The following SMYD3 variants were observed in gnomAD, a reference collection of about 807,000 sequenced individuals.
SMYD3 encodes SET and MYND domain containing 3.
Under a neutral mutation model 57.7 loss-of-function variants are expected in SMYD3, and 36 were observed. The ratio of observed to expected loss-of-function variants is 0.62; its 90% CI spans 0.48 to 0.82. The LOEUF (loss-of-function observed/expected upper bound fraction) is 0.82, where lower values mean the gene tolerates loss of function less well. SMYD3 is among the 40% of genes least tolerant of loss of function. SMYD3 has a pLI of 0.00. For synonymous variants in SMYD3, 211 were observed against 195.0 expected (o/e 1.08, Z -0.68); for missense variants, 515 against 538.8 (o/e 0.96, Z 0.44).
At chr1:246,369,263 ATATCT>A (rs538155187) in intron 1 of SMYD3, among the ~76,000 whole-genome samples, 159 of 152,336 alleles carry the variant, frequency 1.0e-3, no homozygotes, top group African/African-American at 3.4e-3. Context: ...ATCATCTGAA[ATATCT>A]TAGTACTAAC....
intron 1 of SMYD3, among the ~76,000 whole-genome samples, chr1:246,500,238 A>T (rs1038442086): frequency 6.6e-6 from 1 of 152,226 alleles, no homozygotes; most frequent in Non-Finnish European, 1.5e-5. Flanking sequence ...GGAGGTTGAG[A>T]AGGTATTTAG....
chr1:245,806,883 ATCCGG>A (rs2048193029), intron 10 of SMYD3, among the ~76,000 whole-genome samples: 2 of 135,354 alleles, frequency 1.5e-5, no homozygotes, highest in African/African-American at 5.6e-5. Flanking sequence ...GCAGTCCGCA[ATCCGG>A]CCTGGGCGAC....
At chr1:245,956,295 T>C (rs1330862616) in intron 5 of SMYD3, among the ~76,000 whole-genome samples, 1 of 152,222 alleles carries the variant, frequency 6.6e-6, no homozygotes, top group Non-Finnish European at 1.5e-5. Flanking sequence ...CTTTTTAAGA[T>C]AAACGAATTT....
intron 1 of SMYD3, among the ~76,000 whole-genome samples, chr1:246,421,852 G>A (rs772927569): frequency 9.2e-5 from 14 of 152,266 alleles, no homozygotes; most frequent in South Asian, 6.2e-4. Context: ...AACCAAGAGC[G>A]CCAAGAGCAG....
At chr1:246,445,788 A>T (rs902065021) in intron 1 of SMYD3, among the ~76,000 whole-genome samples, 1 of 151,864 alleles carries the variant, frequency 6.6e-6, no homozygotes, top group Admixed American at 6.6e-5. Context: ...CTTAGACTTA[A>T]TTCTTATAAA....
intron 1 of SMYD3, among the ~76,000 whole-genome samples, chr1:246,453,247 A>C (rs1362219871): frequency 6.6e-6 from 1 of 152,260 alleles, no homozygotes; most frequent in Non-Finnish European, 1.5e-5. Context: ...ATAGTTCCAG[A>C]GCCGGTGCTT....
intron 5 of SMYD3, among the ~76,000 whole-genome samples, chr1:246,216,865 T>C (rs2063172511): frequency 6.6e-6 from 1 of 152,090 alleles, no homozygotes. Context: ...AACTTTCCCC[T>C]TGACGGAGAC....
rs112402651 is a variant in SMYD3, at chr1:246,174,001, G to T, written c.531+153200C>A. Among the ~76,000 whole-genome samples, 246 of 151,904 alleles carry T rather than the reference G, an allele frequency of 1.6e-3. 1 individual carries two copies. The highest frequency in any genetic ancestry group is 5.5e-3 in the African/African-American group (229 of 41,432). ...TTTATTTTTATTTTTGCAGACACAG[G>T]GTCTCATTATGCTACTCAGATTGGT... On this transcript the variant is annotated intron_variant, in intron 5 of 11. Coordinates refer to ENST00000490107, the MANE Select transcript of SMYD3 (RefSeq NM_001167740.2).
chr1:246,103,365 T>C (rs776806257), intron 5 of SMYD3, among the ~76,000 whole-genome samples: 16 of 152,108 alleles, frequency 1.1e-4, no homozygotes, highest in Non-Finnish European at 2.1e-4. Context: ...CTCTCTCCTC[T>C]TGGATGCAAA....
chr1:246,166,244 G>C (rs2062208294), intron 5 of SMYD3, among the ~76,000 whole-genome samples: 2 of 152,088 alleles, frequency 1.3e-5, no homozygotes, highest in South Asian at 4.2e-4. Context: ...AAACCCTCTG[G>C]GCACAGGCTG....
chr1:246,013,933 A>AGAAAAAAGAGAATACAGAG (rs2059330423), intron 5 of SMYD3, among the ~76,000 whole-genome samples: 1 of 152,248 alleles, frequency 6.6e-6, no homozygotes, highest in Non-Finnish European at 1.5e-5. Context: ...TTTTATAAAT[A>AGAAAAAAGAGAATACAGAG]GAAAAAAGAG....
intron 5 of SMYD3, among the ~76,000 whole-genome samples, chr1:246,131,587 C>T (rs1028746584): frequency 2.0e-5 from 3 of 152,178 alleles, no homozygotes; most frequent in African/African-American, 4.8e-5. Flanking sequence ...CAACACTGTG[C>T]GGGGCACATT....
intron 5 of SMYD3, among the ~76,000 whole-genome samples, chr1:245,936,363 A>ATTTT (rs34105057): frequency 1.3e-5 from 2 of 149,016 alleles, no homozygotes; most frequent in South Asian, 2.1e-4. Context: ...ACGTAATCTT[A>ATTTT]TTTTTTTTTT....
At chr1:246,099,388 C>T (rs1399877486) in intron 5 of SMYD3, among the ~76,000 whole-genome samples, 1 of 152,044 alleles carries the variant, frequency 6.6e-6, no homozygotes, top group African/African-American at 2.4e-5. Flanking sequence ...GAACTATGTC[C>T]TCAATAGGCA....
intron 5 of SMYD3, among the ~76,000 whole-genome samples, chr1:246,059,677 A>AG (rs1558191019): frequency 6.6e-6 from 1 of 152,222 alleles, no homozygotes; most frequent in African/African-American, 2.4e-5. Flanking sequence ...AAAACTTTTG[A>AG]GAAGCTTCAG....
chr1:246,190,374 C>T (rs925279327), intron 5 of SMYD3, among the ~76,000 whole-genome samples: 6 of 152,074 alleles, frequency 3.9e-5, no homozygotes, highest in Non-Finnish European at 5.9e-5. Context: ...ATCACAAGGT[C>T]AGGAGTTCGA....
intron 1 of SMYD3, among the ~76,000 whole-genome samples, chr1:246,502,194 A>C (rs1039340799): frequency 4.0e-5 from 6 of 149,888 alleles, no homozygotes; most frequent in Non-Finnish European, 8.9e-5. Context: ...GCTGGAGTGC[A>C]GTGGCGTGAT....
At chr1:246,033,419 T>C (rs1272896083) in intron 5 of SMYD3, among the ~76,000 whole-genome samples, 3 of 152,206 alleles carry the variant, frequency 2.0e-5, no homozygotes, top group African/African-American at 4.8e-5. Context: ...AGTGAATGTA[T>C]CTATAAAAGG....
At chr1:246,483,927 G>A (rs1302168356) in intron 1 of SMYD3, among the ~76,000 whole-genome samples, 1 of 152,156 alleles carries the variant, frequency 6.6e-6, no homozygotes, top group African/African-American at 2.4e-5. Flanking sequence ...CTCCTTAGAT[G>A]TGAAACCTAA....
Sources: allele counts gnomAD v4.1 joint callset (sites outside exome capture counted in the v4.1 genomes callset), GRCh38; gene constraint gnomAD v4.1.1; transcripts MANE v1.5; gene names NCBI Gene and HGNC (gene_info 2026-07-23, HGNC 2026-07-21).